The following ZNF385B variants were observed in gnomAD, a reference collection of about 807,000 sequenced individuals.
ZNF385B encodes zinc finger protein 533.
Under a neutral mutation model 39.2 loss-of-function variants are expected in ZNF385B, and 23 were observed. The ratio of observed to expected loss-of-function variants is 0.59; its 90% confidence interval spans 0.42 to 0.83. The LOEUF is 0.83. Among genes scored for constraint, ZNF385B ranks in the 40% least tolerant of loss-of-function variants. The probability of loss-of-function intolerance (pLI) is 0.00; values close to 1 mark genes in which losing one functional copy is unlikely to be tolerated. For missense variants in ZNF385B, 552 were observed against 598.9 expected, an observed-to-expected ratio of 0.92 and a Z score of 0.82; for synonymous variants, 205 against 222.6, an observed-to-expected ratio of 0.92 and a Z score of 0.70.
intron 6 of ZNF385B, among the ~76,000 whole-genome samples, chr2:179,449,644 A>C (rs2105569898): frequency 6.6e-6 from 1 of 152,332 alleles, no homozygotes; most frequent in South Asian, 2.1e-4. Flanking sequence ...CATGGGTAGG[A>C]AGAATCAATA....
chr2:179,482,395 C>G (rs2054095838), intron 6 of ZNF385B, among the ~76,000 whole-genome samples: 1 of 152,240 alleles, frequency 6.6e-6, no homozygotes, highest in Admixed American at 6.5e-5. Context: ...TTAACAGACA[C>G]TGTTCCTCAA....
chr2:179,570,770 C>G (rs1047017809), intron 3 of ZNF385B, among the ~76,000 whole-genome samples: 1 of 152,164 alleles, frequency 6.6e-6, no homozygotes, highest in African/African-American at 2.4e-5. Context: ...CACCCCCTCT[C>G]CAGGAATTGT....
intron 1 of ZNF385B, among the ~76,000 whole-genome samples, chr2:179,775,518 C>T (rs1704262654): frequency 6.6e-6 from 1 of 152,136 alleles, no homozygotes; most frequent in Admixed American, 6.5e-5. Flanking sequence ...TCCCCAAGTA[C>T]TTACTGGCAC....
chr2:179,489,691 C>G (rs1251281849), intron 5 of ZNF385B, among the ~76,000 whole-genome samples: 1 of 152,134 alleles, frequency 6.6e-6, no homozygotes, highest in Non-Finnish European at 1.5e-5. Flanking sequence ...AGAGACAAAG[C>G]TACAATATAG....
At chr2:179,646,104 G>A (rs1489821768) in intron 3 of ZNF385B, among the ~76,000 whole-genome samples, 3 of 152,086 alleles carry the variant, frequency 2.0e-5, no homozygotes, top group Non-Finnish European at 4.4e-5. Flanking sequence ...CCACAATGCT[G>A]CCAGAGTGAT....
intron 5 of ZNF385B, among the ~76,000 whole-genome samples, chr2:179,488,299 C>T (rs2054824467): frequency 6.6e-6 from 1 of 152,128 alleles, no homozygotes; most frequent in Non-Finnish European, 1.5e-5. Flanking sequence ...CATGTGCCAC[C>T]ACGCCCGGCT....
intron 3 of ZNF385B, among the ~76,000 whole-genome samples, chr2:179,619,900 A>C (rs192794470): frequency 6.6e-6 from 1 of 152,324 alleles, no homozygotes; most frequent in Admixed American, 6.5e-5. Flanking sequence ...TAAAAAGAGA[A>C]AGCCAGAAAG....
intron 1 of ZNF385B, among the ~76,000 whole-genome samples, chr2:179,832,667 T>A (rs1479928145): frequency 6.6e-6 from 1 of 152,220 alleles, no homozygotes; most frequent in Non-Finnish European, 1.5e-5. Flanking sequence ...TGCATGATCT[T>A]CAGGCTAATG....
intron 3 of ZNF385B, among the ~76,000 whole-genome samples, chr2:179,575,626 T>G (rs1685720172): frequency 6.6e-6 from 1 of 152,120 alleles, no homozygotes; most frequent in Admixed American, 6.5e-5. Context: ...GGTAGCTGAT[T>G]CTACCTACTT....
At chr2:179,686,684 G>A (rs1051686833) in intron 3 of ZNF385B, among the ~76,000 whole-genome samples, 8 of 152,058 alleles carry the variant, frequency 5.3e-5, no homozygotes, top group South Asian at 4.1e-4. Flanking sequence ...CAACCTCTTC[G>A]CTCCTAAAAT....
chr2:179,806,491 G>C (rs1056226636), intron 1 of ZNF385B, among the ~76,000 whole-genome samples: 1 of 152,058 alleles, frequency 6.6e-6, no homozygotes, highest in Non-Finnish European at 1.5e-5. Flanking sequence ...TTTCCATCCC[G>C]GTCTTTGCAG....
intron 1 of ZNF385B, chr2:179,802,645 T>C (rs1209058215): frequency 6.6e-6 from 1 of 152,136 alleles, no homozygotes; most frequent in Non-Finnish European, 1.5e-5. Context: ...TCTACAAGTG[T>C]TCTGTGTTCT....
intron 5 of ZNF385B, among the ~76,000 whole-genome samples, chr2:179,493,700 T>TACAC (rs1262705470): frequency 7.0e-6 from 1 of 143,088 alleles, no homozygotes; most frequent in African/African-American, 2.6e-5. Flanking sequence ...TATATACATA[T>TACAC]ATGTATACAC....
At chr2:179,785,033 G>C (rs1369785008) in intron 1 of ZNF385B, among the ~76,000 whole-genome samples, 3 of 151,872 alleles carry the variant, frequency 2.0e-5, no homozygotes, top group African/African-American at 7.3e-5. Flanking sequence ...AAACTCAAAA[G>C]TACCCAGACA....
At chr2:179,670,740 G>T (rs1559066137) in intron 3 of ZNF385B, among the ~76,000 whole-genome samples, 1 of 152,198 alleles carries the variant, frequency 6.6e-6, no homozygotes, top group African/African-American at 2.4e-5. Flanking sequence ...AAGAATGAGT[G>T]AATTTAGGGG....
At chr2:179,776,650 G>A (rs953312986) in intron 1 of ZNF385B, among the ~76,000 whole-genome samples, 1 of 152,156 alleles carries the variant, frequency 6.6e-6, no homozygotes, top group Non-Finnish European at 1.5e-5. Flanking sequence ...CCATATATGG[G>A]AGAGTAGGAG....
chr2:179,725,563 T>TAAGTATG (rs1700952954), intron 3 of ZNF385B, among the ~76,000 whole-genome samples: 1 of 151,638 alleles, frequency 6.6e-6, no homozygotes, highest in African/African-American at 2.4e-5. Flanking sequence ...TGTTGTCTTT[T>TAAGTATG]TCACAGTATA....
At chr2:179,759,693 G>A (rs1703250685) in intron 3 of ZNF385B, among the ~76,000 whole-genome samples, 1 of 152,016 alleles carries the variant, frequency 6.6e-6, no homozygotes, top group Admixed American at 6.6e-5. Context: ...CCTCCATAAA[G>A]TTAATCATTC....
At chr2:179,461,126 T>C (rs1181078503) in intron 6 of ZNF385B, among the ~76,000 whole-genome samples, 1 of 152,150 alleles carries the variant, frequency 6.6e-6, no homozygotes, top group African/African-American at 2.4e-5. Context: ...TCAGTGAGAC[T>C]GGGGTCTGAT....
Sources: allele counts gnomAD v4.1 joint callset (sites outside exome capture counted in the v4.1 genomes callset), GRCh38; gene constraint gnomAD v4.1.1; transcripts MANE v1.5; gene names NCBI Gene and HGNC (gene_info 2026-07-23, HGNC 2026-07-21).